Variants in GLIS3 observed in about 807,000 individuals in gnomAD.
The protein encoded by GLIS3 is GLIS family zinc finger 3.
In GLIS3, 53 loss-of-function variants were observed where a neutral mutation model predicts 78.6. That is an observed-to-expected ratio of 0.67 (90% CI 0.54 to 0.85). The LOEUF (loss-of-function observed/expected upper bound fraction) is 0.85, where lower values mean the gene tolerates loss of function less well. Among genes scored for constraint, GLIS3 ranks in the 40% least tolerant of loss-of-function variants. The probability of loss-of-function intolerance (pLI) is 0.00; values close to 1 mark genes in which losing one functional copy is unlikely to be tolerated. For synonymous variants in GLIS3, 684 were observed against 509.9 expected (o/e 1.34, Z -4.60); for missense variants, 1,703 against 1,231.1 (o/e 1.38, Z -5.74).
Position 4,118,035 on chromosome 9 carries a change from G to A in GLIS3, c.1443C>T (p.Ala481=). The A allele has an allele frequency of 1.3e-6, 2 of 1,598,166 alleles. No individual in the cohort carries two copies. The highest frequency in any genetic ancestry group is 1.7e-6 in the Non-Finnish European group (2 of 1,172,048). ...PELGPHAQQL[A]LPQATLDDDG... is the part of the protein sequence containing the mutation. ...CGTCGTCCAGGGTGGCCTGGGGCAA[G>A]GCCAGCTGCTGGGCGTGGGGCCCGA... The change falls in exon 4 of 11, where the codon GCC becomes GCT. Residue 481 remains alanine (A), a synonymous_variant. Transcript: ENST00000381971. The surrounding 1 kb of genome is among the most constrained non-coding windows in gnomAD (Gnocchi z 4.7).
At chr9:3,951,603 A>G (rs1816683551) in intron 4 of GLIS3, among the ~76,000 whole-genome samples, 1 of 151,688 alleles carries the variant, frequency 6.6e-6, no homozygotes, top group Non-Finnish European at 1.5e-5. Flanking sequence ...ATAAGAAAAA[A>G]TAAAAAATAA....
intron 4 of GLIS3, among the ~76,000 whole-genome samples, chr9:4,048,386 C>G (rs975804203): frequency 6.6e-6 from 1 of 152,082 alleles, no homozygotes; most frequent in African/African-American, 2.4e-5. Context: ...CCCTGTGGAT[C>G]TTTTTAAACA....
intron 2 of GLIS3, among the ~76,000 whole-genome samples, chr9:4,282,915 T>C (rs1827680968): frequency 6.6e-6 from 1 of 152,150 alleles, no homozygotes; most frequent in African/African-American, 2.4e-5. Flanking sequence ...CTTCTGCTGA[T>C]TCTTCTCCAG....
At chr9:4,053,771 G>A (rs913843680) in intron 4 of GLIS3, among the ~76,000 whole-genome samples, 1 of 147,468 alleles carries the variant, frequency 6.8e-6, no homozygotes, top group Non-Finnish European at 1.5e-5. Flanking sequence ...AAAGGAATAT[G>A]GCCCCAGAGG....
chr9:4,133,781 G>C (rs1586765295), intron 2 of GLIS3, among the ~76,000 whole-genome samples: 1 of 150,394 alleles, frequency 6.6e-6, no homozygotes, highest in Admixed American at 6.7e-5. Context: ...CTTCTCCTGA[G>C]TGCCCAGAAA....
chr9:4,463,307 TGATA>T, the GLIS3 span, among the ~76,000 whole-genome samples: 1 of 152,224 alleles, frequency 6.6e-6, no homozygotes, highest in East Asian at 1.9e-4. Flanking sequence ...GGAATTAAGC[TGATA>T]GAGTAAGAAA....
intron 4 of GLIS3, among the ~76,000 whole-genome samples, chr9:3,959,486 C>T (rs1264557207): frequency 3.3e-5 from 5 of 152,182 alleles, no homozygotes; most frequent in African/African-American, 9.6e-5. Flanking sequence ...GCTCCACTGG[C>T]TTCCTACAGT....
At chr9:4,467,936 G>A in the GLIS3 span, among the ~76,000 whole-genome samples, 1 of 152,138 alleles carries the variant, frequency 6.6e-6, no homozygotes, top group African/African-American at 2.4e-5. Flanking sequence ...GCATAGAGAA[G>A]ACCTTAAATG....
At chr9:3,994,840 G>T (rs1172993608) in intron 4 of GLIS3, among the ~76,000 whole-genome samples, 1 of 152,176 alleles carries the variant, frequency 6.6e-6, no homozygotes, top group East Asian at 1.9e-4. Context: ...GTGTTTAAAA[G>T]AATCTCTTTT....
intron 4 of GLIS3, among the ~76,000 whole-genome samples, chr9:4,100,091 G>T (rs1051767888): frequency 7.9e-5 from 12 of 152,156 alleles, no homozygotes; most frequent in Admixed American, 2.0e-4. Flanking sequence ...GTAAAATTGT[G>T]TAACAATAAA....
rs187265996 is a variant in GLIS3 at position 4,214,427 on chromosome 9, C to T, written c.388+71611G>A. ...CAGCCAATCAATATCTCCATCGGCA[C>T]GTATGTCTTCTGTGTGCGGTAACAT... On this transcript the variant is annotated intron_variant, in intron 2 of 10. Transcript: ENST00000381971. Among the ~76,000 whole-genome samples the T allele has an allele frequency of 7.0e-4, 106 of 152,284 alleles. 2 individuals carry two copies. The highest frequency in any genetic ancestry group is 6.6e-3 in the South Asian group (32 of 4,826).
chr9:4,058,351 T>C (rs576487478), intron 4 of GLIS3, among the ~76,000 whole-genome samples: 14 of 152,150 alleles, frequency 9.2e-5, no homozygotes, highest in Non-Finnish European at 1.3e-4. Context: ...GATACTGCTC[T>C]GGGTTCAGAA....
intron 9 of GLIS3, among the ~76,000 whole-genome samples, chr9:3,850,332 C>T (rs747159522): frequency 6.6e-6 from 1 of 152,212 alleles, no homozygotes. Flanking sequence ...GGACTGTGCT[C>T]ATTTCAAATG....
intron 4 of GLIS3, among the ~76,000 whole-genome samples, chr9:4,020,029 G>T (rs1031802308): frequency 6.6e-5 from 10 of 152,162 alleles, no homozygotes; most frequent in Non-Finnish European, 1.3e-4. Context: ...GGGATTACAG[G>T]CATGAGCCAC....
At chr9:4,002,789 T>A (rs1488835654) in intron 4 of GLIS3, among the ~76,000 whole-genome samples, 1 of 152,162 alleles carries the variant, frequency 6.6e-6, no homozygotes, top group East Asian at 1.9e-4. Context: ...TGAGGAAAAC[T>A]TTTGTTTCCC....
At chr9:4,439,607 A>G in the GLIS3 span, among the ~76,000 whole-genome samples, 5 of 152,188 alleles carry the variant, frequency 3.3e-5, no homozygotes, top group African/African-American at 1.2e-4. Context: ...GGTAAACACC[A>G]TTCTACTCTC....
chr9:4,092,497 CCTTT>C (rs766201927), intron 4 of GLIS3, among the ~76,000 whole-genome samples: 82 of 152,266 alleles, frequency 5.4e-4, no homozygotes, highest in Admixed American at 2.5e-3. Context: ...CACAATATTT[CCTTT>C]CTTTATTTCC....
At chr9:4,143,949 A>C (rs1834011486) in intron 2 of GLIS3, among the ~76,000 whole-genome samples, 1 of 152,238 alleles carries the variant, frequency 6.6e-6, no homozygotes, top group South Asian at 2.1e-4. Flanking sequence ...AGCCAGTGAG[A>C]AAGAAAAGAG....
intron 7 of GLIS3, among the ~76,000 whole-genome samples, chr9:3,894,484 C>G (rs552137991): frequency 6.6e-6 from 1 of 152,162 alleles, no homozygotes; most frequent in South Asian, 2.1e-4. Flanking sequence ...AAAACATGTA[C>G]CATAAAATTA....
Sources: gnomAD v4.1 joint callset for allele counts (sites outside exome capture counted in the v4.1 genomes callset) on GRCh38, gnomAD v4.1.1 for gene constraint, Gnocchi (gnomAD v3.1) non-coding constraint, MANE v1.5 for transcripts, NCBI Gene and HGNC (gene_info 2026-07-23, HGNC 2026-07-21) for gene names.